GRM7: variants seen among roughly 807,000 people sequenced by gnomAD.
GRM7 encodes glutamate metabotropic receptor 7.
GRM7 carries 35 observed loss-of-function variants against 84.5 expected under a neutral mutation model. That is an observed-to-expected ratio of 0.41 (90% CI 0.32 to 0.55). The LOEUF is 0.55. Ranked by LOEUF, GRM7 falls within the 20% of genes least tolerant of loss-of-function variation. The pLI, the probability that GRM7 is intolerant of heterozygous loss-of-function variation, is 0.19. For synonymous variants in GRM7, 487 were observed against 455.1 expected (o/e 1.07, Z -0.89); for missense variants, 1,003 against 1,194.6 (o/e 0.84, Z 2.36).
At chr3:7,270,432 CT>C (rs1698811846) in intron 2 of GRM7, among the ~76,000 whole-genome samples, 3 of 152,102 alleles carry the variant, frequency 2.0e-5, no homozygotes, top group Admixed American at 1.3e-4. Flanking sequence ...AGTCGATAAA[CT>C]TTTTCTTGTT....
chr3:7,538,444 T>C (rs1238676934), intron 7 of GRM7, among the ~76,000 whole-genome samples: 1 of 152,196 alleles, frequency 6.6e-6, no homozygotes, highest in Non-Finnish European at 1.5e-5. Flanking sequence ...TGACTTTGTC[T>C]ATGGCCTGCT....
chr3:7,145,193 G>C (rs1694070635), intron 1 of GRM7, among the ~76,000 whole-genome samples: 1 of 152,052 alleles, frequency 6.6e-6, no homozygotes, highest in Admixed American at 6.6e-5. Flanking sequence ...TTTTGGGCTT[G>C]GTCTGAGAAA....
intron 2 of GRM7, among the ~76,000 whole-genome samples, chr3:7,194,757 T>C (rs1292388571): frequency 1.3e-5 from 2 of 152,192 alleles, no homozygotes; most frequent in East Asian, 3.8e-4. Context: ...GTACCTGTCT[T>C]ACAGCGTTGT....
intron 1 of GRM7, among the ~76,000 whole-genome samples, chr3:6,938,051 A>G (rs982363430): frequency 1.3e-5 from 2 of 152,222 alleles, no homozygotes; most frequent in Non-Finnish European, 2.9e-5. Flanking sequence ...CAGCCAGTGC[A>G]CAAGTTAGGT....
intron 1 of GRM7, among the ~76,000 whole-genome samples, chr3:7,101,084 G>C (rs1699095108): frequency 6.6e-6 from 1 of 151,710 alleles, no homozygotes; most frequent in East Asian, 1.9e-4. Flanking sequence ...TCTTTTTGTA[G>C]AGATATGTTT....
intron 1 of GRM7, among the ~76,000 whole-genome samples, chr3:6,888,757 A>G (rs1695808761): frequency 6.6e-6 from 1 of 152,046 alleles, no homozygotes; most frequent in South Asian, 2.1e-4. Flanking sequence ...AGTTTTTTCC[A>G]ATTCTGTGAA....
chr3:7,156,287 T>C (rs1694447451), intron 2 of GRM7, among the ~76,000 whole-genome samples: 1 of 152,218 alleles, frequency 6.6e-6, no homozygotes, highest in African/African-American at 2.4e-5. Flanking sequence ...AACTGCTTTA[T>C]GTGTTTTCTT....
intron 4 of GRM7, among the ~76,000 whole-genome samples, chr3:7,337,047 G>A (rs971947069): frequency 1.3e-5 from 2 of 151,662 alleles, no homozygotes; most frequent in African/African-American, 2.4e-5. Context: ...AAAAACAATA[G>A]CATGATACTG....
intron 6 of GRM7, among the ~76,000 whole-genome samples, chr3:7,458,235 T>C (rs1323061829): frequency 6.6e-6 from 1 of 152,172 alleles, no homozygotes; most frequent in Non-Finnish European, 1.5e-5. Flanking sequence ...TCCTTTACTG[T>C]CTGTTACCCA....
intron 7 of GRM7, among the ~76,000 whole-genome samples, chr3:7,563,779 C>A (rs1332790812): frequency 6.6e-6 from 1 of 152,134 alleles, no homozygotes; most frequent in Non-Finnish European, 1.5e-5. Context: ...GGAGACATTT[C>A]AGTTTTTAAT....
intron 1 of GRM7, among the ~76,000 whole-genome samples, chr3:6,870,482 C>T (rs78780410): frequency 3.9e-5 from 6 of 152,210 alleles, no homozygotes; most frequent in East Asian, 3.9e-4. Context: ...AGAGATGTGA[C>T]GGGGCTAGTT....
rs139496531 is a variant in GRM7, at chr3:7,024,456, C to G, written c.520-121996C>G. 3.5e-3 allele frequency among the ~76,000 whole-genome samples: 537 copies of G among 152,262 alleles called. 3 individuals carry two copies. The highest frequency in any genetic ancestry group is 0.012 in the African/African-American group (501 of 41,552). ...ATAGAGGAAAGAAAAGTTATTTTTT[C>G]CCCAAGATGAAAAATGGTAAACATA... On this transcript the variant is annotated intron_variant, in intron 1 of 9. Coordinates refer to ENST00000357716, the MANE Select transcript of GRM7 (RefSeq NM_000844.4).
chr3:7,602,701 TAAAG>T (rs1419198146), intron 8 of GRM7, among the ~76,000 whole-genome samples: 4 of 152,188 alleles, frequency 2.6e-5, no homozygotes, highest in East Asian at 1.9e-4. Context: ...TGTTTCATAA[TAAAG>T]AAAGTTATTT....
At chr3:6,870,327 G>C (rs1328536337) in intron 1 of GRM7, among the ~76,000 whole-genome samples, 1 of 152,118 alleles carries the variant, frequency 6.6e-6, no homozygotes, top group East Asian at 1.9e-4. Context: ...GTGGATTTAG[G>C]GGAAGACCAC....
chr3:7,195,773 A>G (rs144666094), intron 2 of GRM7, among the ~76,000 whole-genome samples: 337 of 152,246 alleles, frequency 2.2e-3, no homozygotes, highest in Middle Eastern at 0.01. Flanking sequence ...CCATACTGAG[A>G]TACAAAGGTT....
At chr3:7,451,456 A>G (rs112087321) in intron 5 of GRM7, among the ~76,000 whole-genome samples, 2 of 152,306 alleles carry the variant, frequency 1.3e-5, no homozygotes, top group African/African-American at 2.4e-5. Flanking sequence ...GCAAAGAGGA[A>G]GGATCTCCCT....
chr3:7,702,610 T>C (rs531890359), intron 9 of GRM7, among the ~76,000 whole-genome samples: 53 of 152,358 alleles, frequency 3.5e-4, no homozygotes, highest in Non-Finnish European at 6.3e-4. Context: ...CTGCAAGTTA[T>C]AATTTCACTT....
chr3:7,145,671 G>C (rs949166383), intron 1 of GRM7, among the ~76,000 whole-genome samples: 3 of 152,080 alleles, frequency 2.0e-5, no homozygotes, highest in African/African-American at 7.2e-5. Flanking sequence ...ATAGGCAAAA[G>C]TTCTAGAGCT....
chr3:7,456,637 C>G (rs1698025956), intron 6 of GRM7, among the ~76,000 whole-genome samples: 1 of 151,564 alleles, frequency 6.6e-6, no homozygotes. Flanking sequence ...ATTCCTGCTG[C>G]CTCCTCTTAG....
Sources: allele counts gnomAD v4.1 joint callset (sites outside exome capture counted in the v4.1 genomes callset), GRCh38; gene constraint gnomAD v4.1.1; transcripts MANE v1.5; gene names NCBI Gene and HGNC (gene_info 2026-07-23, HGNC 2026-07-21).